The following AMBRA1 variants were observed in gnomAD, a reference collection of about 807,000 sequenced individuals.
The protein encoded by AMBRA1 is activating molecule in BECN1-regulated autophagy protein 1.
In AMBRA1, 47 loss-of-function variants were observed where a neutral mutation model predicts 125.4. That is an observed-to-expected ratio of 0.37 (90% CI 0.30 to 0.48). The LOEUF (loss-of-function observed/expected upper bound fraction) is 0.48, where lower values mean the gene tolerates loss of function less well. Among genes scored for constraint, AMBRA1 ranks in the 20% least tolerant of loss-of-function variants. AMBRA1 has a pLI of 0.99. For missense variants in AMBRA1, 1,331 were observed against 1,693.4 expected (o/e 0.79, Z 3.76); for synonymous variants, 626 against 655.5 (o/e 0.95, Z 0.69).
chr11:46,443,305 T>C (rs917243119), intron 12 of AMBRA1, among the ~76,000 whole-genome samples, 183 bp downstream of exon 12: 3 of 152,208 alleles, frequency 2.0e-5, no homozygotes, highest in African/African-American at 7.2e-5. Flanking sequence ...CTTAAGTGTA[T>C]GGTATGGTTG....
intron 1 of AMBRA1, among the ~76,000 whole-genome samples, chr11:46,583,650 TCCAAAAAAAAAAAAA>T (rs1385167454): frequency 1.1e-4 from 2 of 18,088 alleles, no homozygotes; most frequent in Non-Finnish European, 5.0e-4. Flanking sequence ...CAAACAAATT[TCCAAAAAAAAAAAAA>T]AAAAAAAAAA....
intron 15 of AMBRA1, among the ~76,000 whole-genome samples, chr11:46,411,020 G>C (rs2136624793): frequency 6.8e-6 from 1 of 147,568 alleles, no homozygotes; most frequent in South Asian, 2.2e-4. Context: ...AGAATCACTT[G>C]AACCAGGAGA....
chr11:46,512,602 A>C (rs1355297726), intron 8 of AMBRA1, 125 bp downstream of exon 8: 4 of 686,192 alleles, frequency 5.8e-6, no homozygotes, highest in Non-Finnish European at 9.5e-6. Flanking sequence ...ACCTGTCTCA[A>C]AACTGTAACT....
chr11:46,587,681 T>C (rs753849879), intron 1 of AMBRA1, among the ~76,000 whole-genome samples: 1 of 152,152 alleles, frequency 6.6e-6, no homozygotes, highest in Non-Finnish European at 1.5e-5. Flanking sequence ...TCAGCCCTTG[T>C]TTATTTCCTT....
Position 46,435,445 on chromosome 11 carries a change from G to A in AMBRA1, c.2633-408C>T, listed in dbSNP as rs149646583. 1.6e-4 allele frequency among the ~76,000 whole-genome samples: 25 copies of A among 152,338 alleles called. No individual in the cohort carries two copies. In the East Asian group the frequency reaches 3.1e-3, roughly 19 times the overall value. ...CTGGTTCCAAGAAAAAGATGATACA[G>A]GTAGAGCTTTCTTGGGGCAGGAATC... On this transcript the variant is annotated intron_variant, in intron 12 of 17. Transcript: ENST00000683756.
intron 1 of AMBRA1, among the ~76,000 whole-genome samples, chr11:46,553,564 G>C (rs1264759336): frequency 6.6e-6 from 1 of 152,034 alleles, no homozygotes; most frequent in South Asian, 2.1e-4. Flanking sequence ...GGCCAACATA[G>C]TGAAACCCTG....
At chr11:46,432,315 A>G (rs2136704060) in intron 14 of AMBRA1, among the ~76,000 whole-genome samples, 1 of 152,300 alleles carries the variant, frequency 6.6e-6, no homozygotes, top group South Asian at 2.1e-4. Flanking sequence ...AAAAGCTTGC[A>G]GGTAGCTGGA....
At chr11:46,462,767 T>C (rs1024880162) in intron 11 of AMBRA1, among the ~76,000 whole-genome samples, 9 of 152,092 alleles carry the variant, frequency 5.9e-5, no homozygotes, top group African/African-American at 2.2e-4. Context: ...TCCTTTTTTT[T>C]TTGAGACAGG....
At chr11:46,511,937 C>G (rs1951275941) in intron 8 of AMBRA1, among the ~76,000 whole-genome samples, 1 of 152,128 alleles carries the variant, frequency 6.6e-6, no homozygotes, top group Admixed American at 6.5e-5. Flanking sequence ...TCACTGCAAC[C>G]TCTGCCTTCC....
intron 7 of AMBRA1, among the ~76,000 whole-genome samples, chr11:46,513,119 G>A (rs1951328103): frequency 6.6e-6 from 1 of 152,116 alleles, no homozygotes; most frequent in South Asian, 2.1e-4. Context: ...ACAAATAGAA[G>A]GTTCGGATCA....
At chr11:46,476,945 A>G (rs1949838179) in intron 11 of AMBRA1, among the ~76,000 whole-genome samples, 7 of 152,090 alleles carry the variant, frequency 4.6e-5, no homozygotes. Context: ...TGTCTCTACT[A>G]AAAATACAAA....
intron 1 of AMBRA1, among the ~76,000 whole-genome samples, chr11:46,551,161 C>T (rs1439577768): frequency 8.8e-5 from 13 of 147,460 alleles, no homozygotes; most frequent in African/African-American, 3.3e-4. Context: ...AAGCAAGGTA[C>T]AAAACAATAT....
chr11:46,462,148 A>G (rs566295457), intron 11 of AMBRA1, among the ~76,000 whole-genome samples: 86 of 152,322 alleles, frequency 5.6e-4, no homozygotes, highest in African/African-American at 1.9e-3. Context: ...TTTCTGTCAG[A>G]GCTGCATGCA....
At chr11:46,540,851 A>G (rs924140741) in intron 7 of AMBRA1, among the ~76,000 whole-genome samples, 3 of 152,252 alleles carry the variant, frequency 2.0e-5, no homozygotes, top group African/African-American at 4.8e-5. Context: ...GGTAAAGACC[A>G]TGTATTATAC....
intron 7 of AMBRA1, among the ~76,000 whole-genome samples, chr11:46,520,720 C>G (rs796580767): frequency 2.0e-5 from 3 of 150,738 alleles, no homozygotes; most frequent in Admixed American, 6.6e-5. Flanking sequence ...CTCAGCCTCC[C>G]GAGTAGCTGG....
At chr11:46,398,013 C>T in intron 17 of AMBRA1, 70 bp from the exon 18 acceptor site, 1 of 1,512,616 alleles carries the variant, frequency 6.6e-7, no homozygotes. Flanking sequence ...GGTGGGCAGC[C>T]ACCGGTAGCA....
chr11:46,426,362 T>C (rs894062381), intron 14 of AMBRA1, among the ~76,000 whole-genome samples: 1 of 152,154 alleles, frequency 6.6e-6, no homozygotes, highest in African/African-American at 2.4e-5. Flanking sequence ...AAGCCAGGCA[T>C]TGCACATGGA....
In AMBRA1 at chr11:46,397,409, G is replaced by T; in HGVS notation, c.*41C>A. 1.4e-6 allele frequency: 2 copies of T among 1,468,880 alleles called. No individual in the cohort carries two copies. 91.0% of individuals were successfully genotyped at this position (1,468,880 alleles called of 1,614,324 possible). A position where few individuals can be genotyped will look rare whatever the true frequency, so the allele number is the denominator to read the frequency against. On this transcript the variant is annotated 3_prime_UTR_variant, in exon 18 of 18. Transcript: ENST00000683756. ...CAGTCAGCTGTGAGGTCCGGTTTCT[G>T]CTTGGCGGTTCGAGGGGAGGCACCA...
chr11:46,453,032 ACTGT>A (rs1948690926), intron 11 of AMBRA1, among the ~76,000 whole-genome samples: 1 of 152,200 alleles, frequency 6.6e-6, no homozygotes, highest in African/African-American at 2.4e-5. Flanking sequence ...CACCATCATT[ACTGT>A]CTAATTTCAG....
Sources: gnomAD v4.1 joint callset for allele counts (sites outside exome capture counted in the v4.1 genomes callset) on GRCh38, gnomAD v4.1.1 for gene constraint, MANE v1.5 for transcripts, NCBI Gene and HGNC (gene_info 2026-07-23, HGNC 2026-07-21) for gene names.